MAPK8: variants seen among roughly 807,000 people sequenced by gnomAD.
The protein encoded by MAPK8 is mitogen-activated protein kinase 8, also known as JUN N-terminal kinase.
MAPK8 carries 13 observed loss-of-function variants against 52.9 expected under a neutral mutation model. That is an observed-to-expected ratio of 0.25 (90% CI 0.16 to 0.39). MAPK8 has a LOEUF of 0.39. MAPK8 is among the 10% of genes least tolerant of loss of function. The probability of loss-of-function intolerance (pLI) is 1.00; values close to 1 mark genes in which losing one functional copy is unlikely to be tolerated. For missense variants in MAPK8, 300 were observed against 519.2 expected, an observed-to-expected ratio of 0.58 and a Z score of 4.10; for synonymous variants, 191 against 169.8, an observed-to-expected ratio of 1.12 and a Z score of -0.97.
In MAPK8 at chr10:48,385,269, A is replaced by G. The variant is rs370856800; in HGVS notation, c.-49-16343A>G. ...AAAGGGGCTCGAATTCCATAGAGCA[A>G]AAGTTTTTTTTGTTTTGTTTTTCAT... On this transcript the variant is annotated intron_variant, in intron 1 of 11. Transcript: ENST00000374189. Among the ~76,000 whole-genome samples, 5 of 152,218 alleles carry G rather than the reference A, an allele frequency of 3.3e-5. No individual in the cohort carries two copies. The South Asian group carries it at 1.0e-3, about 32-fold the overall frequency.
chr10:48,437,648 A>C lies in MAPK8; in HGVS notation c.*2619A>C, dbSNP rs1018862778. The stretch of plus-strand genomic sequence containing the variant: ...ACTTAGTTATACTATACGCAGATAG[A>C]GCATCTCAACTCTGTCATAGTGTTT... On this transcript the variant is annotated 3_prime_UTR_variant, in exon 12 of 12. Coordinates refer to ENST00000374189, the MANE Select transcript of MAPK8 (RefSeq NM_001323329.2). 6.6e-6 allele frequency: 1 copy of C among 152,198 alleles called. No individual in the cohort carries two copies. Among genetic ancestry groups the C allele is most frequent in the Non-Finnish European group, 1.5e-5 (1 of 68,036 alleles). 9.4% of individuals were successfully genotyped at this position (152,198 alleles called of 1,614,324 possible).
chr10:48,317,394 G>T (rs940961502), intron 1 of MAPK8, among the ~76,000 whole-genome samples: 1 of 92,558 alleles, frequency 1.1e-5, no homozygotes, highest in East Asian at 3.7e-4. Flanking sequence ...GAAACTCCTG[G>T]CCTCGTGATC....
At chr10:48,410,282 C>A in intron 5 of MAPK8, 114 bp downstream of exon 5, 1 of 755,084 alleles carries the variant, frequency 1.3e-6, no homozygotes, top group Non-Finnish European at 1.9e-6. Flanking sequence ...TGCTGTACAA[C>A]TACCACCCAT....
Position 48,325,101 on chromosome 10 carries a change from G to A in MAPK8, c.-50+18280G>A, listed in dbSNP as rs113105851. ...AGCGATTCTCTCACCTCTGCCTCCC[G>A]AGTAGCTGGGACTACAGGCACGTGC... On this transcript the variant is annotated intron_variant, in intron 1 of 11. Coordinates refer to ENST00000374189, the MANE Select transcript of MAPK8 (RefSeq NM_001323329.2). 2.8e-3 allele frequency among the ~76,000 whole-genome samples: 432 copies of A among 151,748 alleles called. 4 individuals are homozygous for A. The highest frequency in any genetic ancestry group is 0.01 in the African/African-American group (418 of 41,348).
chr10:48,426,035 T>C lies in MAPK8; in HGVS notation c.836T>C (p.Leu279Pro). 1 of 1,610,646 alleles carries C rather than the reference T, an allele frequency of 6.2e-7. No individual in the cohort carries two copies. Among genetic ancestry groups the C allele is most frequent in the Admixed American group, 1.7e-5 (1 of 59,458 alleles). ...YSFEKLFPDV[L>P]FPADSEHNKL... is the part of the protein sequence containing the mutation. ...TTTGAGAAACTCTTCCCTGATGTCC[T>C]TTTCCCAGCTGACTCAGAACACAAC... The change falls in exon 8 of 12, where the codon CTT (leucine) becomes CCT (proline). Residue 279 changes from leucine (L) to proline (P), a missense_variant. Around this residue, in one of 3 missense-constraint regions of MAPK8, gnomAD observed 147 missense variants for 328.1 expected, o/e 0.45. Transcript: ENST00000374189.
At chr10:48,424,364 TAGTC>T (rs1415609656) in intron 7 of MAPK8, 17 of 641,932 alleles carry the variant, frequency 2.6e-5, no homozygotes, top group African/African-American at 9.2e-5. Context: ...TCTCTGCTGG[TAGTC>T]AGAGCACATT....
chr10:48,312,524 G>A lies in MAPK8; in HGVS notation c.-50+5703G>A, dbSNP rs530063160. On this transcript the variant is annotated intron_variant, in intron 1 of 11. Coordinates refer to ENST00000374189, the MANE Select transcript of MAPK8 (RefSeq NM_001323329.2). ...AGAAACGAAAAATAGCCACACACAA[G>A]CACTTGCTTTGCTTGGCAGGAAACA... Among the ~76,000 whole-genome samples the A allele has an allele frequency of 4.6e-5, 7 of 152,256 alleles. No homozygotes were observed. The South Asian group carries it at 1.5e-3, about 32-fold the overall frequency.
intron 1 of MAPK8, among the ~76,000 whole-genome samples, chr10:48,323,027 T>C (rs1843139730): frequency 6.6e-6 from 1 of 152,208 alleles, no homozygotes; most frequent in African/African-American, 2.4e-5. Context: ...CATAAGATTC[T>C]CTGTTTGAAA....
intron 1 of MAPK8, among the ~76,000 whole-genome samples, chr10:48,342,421 TAAAA>T (rs924559892): frequency 6.6e-6 from 1 of 151,968 alleles, no homozygotes; most frequent in South Asian, 2.1e-4. Flanking sequence ...TTATTTTTTA[TAAAA>T]AAAAATTTTA....
intron 1 of MAPK8, among the ~76,000 whole-genome samples, chr10:48,372,063 A>G (rs1003286083): frequency 1.3e-5 from 2 of 152,112 alleles, no homozygotes; most frequent in East Asian, 3.9e-4. Flanking sequence ...ACAGTCCTTT[A>G]GAATTTTTAT....
intron 1 of MAPK8, among the ~76,000 whole-genome samples, chr10:48,380,561 A>G (rs991275538): frequency 5.3e-5 from 8 of 150,504 alleles, no homozygotes; most frequent in Admixed American, 2.0e-4. Flanking sequence ...GTGAAACCCC[A>G]TATCTACTAA....
At chr10:48,377,551 G>A (rs939010781) in intron 1 of MAPK8, among the ~76,000 whole-genome samples, 13 of 152,106 alleles carry the variant, frequency 8.5e-5, no homozygotes, top group African/African-American at 1.4e-4. Context: ...TAGCTTGCAA[G>A]TCATATCCTC....
intron 1 of MAPK8, among the ~76,000 whole-genome samples, chr10:48,350,351 T>G (rs1197769402): frequency 6.6e-6 from 1 of 152,170 alleles, no homozygotes; most frequent in Non-Finnish European, 1.5e-5. Context: ...CTGATGAACA[T>G]TGATGCGAAA....
At chr10:48,349,803 A>G (rs58181014) in intron 1 of MAPK8, among the ~76,000 whole-genome samples, 1 of 152,310 alleles carries the variant, frequency 6.6e-6, no homozygotes, top group East Asian at 1.9e-4. Flanking sequence ...AGACACGGAA[A>G]ACCCCTCAAA....
At chr10:48,374,795 A>G (rs1379978430) in intron 1 of MAPK8, among the ~76,000 whole-genome samples, 2 of 152,236 alleles carry the variant, frequency 1.3e-5, no homozygotes, top group Admixed American at 1.3e-4. Flanking sequence ...TCACAGTTGA[A>G]TTCTACCAGA....
At chr10:48,322,845 G>T (rs753685305) in intron 1 of MAPK8, among the ~76,000 whole-genome samples, 3 of 152,044 alleles carry the variant, frequency 2.0e-5, no homozygotes, top group Non-Finnish European at 4.4e-5. Flanking sequence ...TCACTACCTT[G>T]GCACTCTGAT....
At chr10:48,381,506 G>A (rs1361030457) in intron 1 of MAPK8, among the ~76,000 whole-genome samples, 2 of 151,970 alleles carry the variant, frequency 1.3e-5, no homozygotes, top group East Asian at 3.9e-4. Flanking sequence ...CTAATTTCAA[G>A]TGAAAAACCT....
At chr10:48,384,200 C>T (rs757027382) in intron 1 of MAPK8, among the ~76,000 whole-genome samples, 3 of 151,906 alleles carry the variant, frequency 2.0e-5, no homozygotes, top group African/African-American at 4.8e-5. Context: ...TGCAGTGAGC[C>T]GAGATCACGC....
At chr10:48,360,652 C>G (rs950560376) in intron 1 of MAPK8, among the ~76,000 whole-genome samples, 2 of 152,172 alleles carry the variant, frequency 1.3e-5, no homozygotes, top group Non-Finnish European at 2.9e-5. Flanking sequence ...GCCACACACA[C>G]TCTCACACGC....
Sources: gnomAD v4.1 joint callset for allele counts (sites outside exome capture counted in the v4.1 genomes callset) on GRCh38, gnomAD v4.1.1 for gene constraint, gnomAD v4.1.1 regional missense constraint, MANE v1.5 for transcripts, NCBI Gene and HGNC (gene_info 2026-07-23, HGNC 2026-07-21) for gene names.